The following SCLT1 variants were observed in gnomAD, a reference collection of about 807,000 sequenced individuals.
SCLT1 encodes sodium channel and clathrin linker 1, also known as sodium channel-associated protein 1.
A neutral mutation model predicts 112.8 loss-of-function variants in SCLT1; 78 were observed. The observed-to-expected ratio is 0.69, with a 90% CI of 0.58 to 0.83. SCLT1 has a LOEUF of 0.83. Among genes scored for constraint, SCLT1 ranks in the 40% least tolerant of loss-of-function variants. The pLI is 0.00. For synonymous variants in SCLT1, 257 were observed against 254.7 expected, an observed-to-expected ratio of 1.01 and a Z score of -0.09; for missense variants, 747 against 770.4, an observed-to-expected ratio of 0.97 and a Z score of 0.36.
intron 5 of SCLT1, among the ~76,000 whole-genome samples, chr4:129,019,791 T>C (rs1385863669): frequency 6.6e-6 from 1 of 152,128 alleles, no homozygotes; most frequent in African/African-American, 2.4e-5. Context: ...CAGTGCAGCA[T>C]TTCTTTTTGG....
intron 11 of SCLT1, among the ~76,000 whole-genome samples, chr4:128,963,747 G>A (rs1467994264): frequency 6.6e-6 from 1 of 151,930 alleles, no homozygotes; most frequent in Non-Finnish European, 1.5e-5. Flanking sequence ...AATTATTATT[G>A]ATTCCTTCAA....
In SCLT1 at chr4:128,946,771, G is replaced by C. The variant is rs185286411; in HGVS notation, c.1294-619C>G. On this transcript the variant is annotated intron_variant, in intron 15 of 20. Coordinates refer to ENST00000281142, the MANE Select transcript of SCLT1 (RefSeq NM_144643.4). Reference sequence around the variant, plus strand: ...GATACATGCCATGGTGCAATAACTAGAACTCTCTGCAAGTGACTCCAGAAT... The same window carrying C: ...GATACATGCCATGGTGCAATAACTACAACTCTCTGCAAGTGACTCCAGAAT... Among the ~76,000 whole-genome samples the C allele has an allele frequency of 4.8e-3, 732 of 152,202 alleles. 6 individuals are homozygous for C. Among genetic ancestry groups the C allele is most frequent in the African/African-American group, 0.017 (695 of 41,520 alleles).
intron 2 of SCLT1, among the ~76,000 whole-genome samples, chr4:129,073,654 T>C (rs1193458084): frequency 6.6e-6 from 1 of 152,058 alleles, no homozygotes; most frequent in Non-Finnish European, 1.5e-5. Context: ...GTCTCACTAC[T>C]TATAGATGCA....
intron 5 of SCLT1, among the ~76,000 whole-genome samples, chr4:129,034,934 A>C (rs999896288): frequency 6.6e-6 from 1 of 152,160 alleles, no homozygotes; most frequent in East Asian, 1.9e-4. Flanking sequence ...GATGTAATTA[A>C]ATCTCTTTAT....
chr4:129,007,246 C>T (rs1389088477), intron 5 of SCLT1, among the ~76,000 whole-genome samples: 4 of 151,958 alleles, frequency 2.6e-5, no homozygotes, highest in African/African-American at 9.7e-5. Context: ...TATATATGTC[C>T]CTTAAGAGAT....
intron 5 of SCLT1, among the ~76,000 whole-genome samples, chr4:129,017,264 T>C (rs768726433): frequency 6.6e-6 from 1 of 152,208 alleles, no homozygotes. Flanking sequence ...TGTGAGTTTT[T>C]CATGGGTCTT....
At chr4:129,071,650 A>T (rs1237782960) in intron 2 of SCLT1, among the ~76,000 whole-genome samples, 1 of 152,082 alleles carries the variant, frequency 6.6e-6, no homozygotes, top group Non-Finnish European at 1.5e-5. Flanking sequence ...TTTGCATGAA[A>T]TTATTTTTCC....
At chr4:129,050,129 C>T (rs1379519632) in intron 2 of SCLT1, among the ~76,000 whole-genome samples, 3 of 152,184 alleles carry the variant, frequency 2.0e-5, no homozygotes, top group Non-Finnish European at 4.4e-5. Context: ...TTTCTTTATC[C>T]AGTCTATCAT....
At chr4:128,911,611 G>A (rs899404502) in intron 18 of SCLT1, among the ~76,000 whole-genome samples, 1 of 152,118 alleles carries the variant, frequency 6.6e-6, no homozygotes, top group African/African-American at 2.4e-5. Context: ...ATTATTTGGT[G>A]TTACATTTAG....
In SCLT1 at chr4:128,939,485, T is replaced by A. The variant is rs374975106; in HGVS notation, c.1633-2634A>T. Among the ~76,000 whole-genome samples the A allele has an allele frequency of 1.7e-4, 26 of 152,334 alleles. No homozygotes were observed. The South Asian group carries it at 5.2e-3, about 30-fold the overall frequency. ...CTGATCTCCGATTACAAAAATTCTA[T>A]TAATGATAAAATTCAGAATGTTGGA... On this transcript the variant is annotated intron_variant, in intron 17 of 20. Transcript: ENST00000281142.
intron 18 of SCLT1, among the ~76,000 whole-genome samples, chr4:128,936,140 T>C (rs897000146): frequency 6.6e-6 from 1 of 152,146 alleles, no homozygotes; most frequent in African/African-American, 2.4e-5. Context: ...GATTTTATTT[T>C]TTAGAGTAGT....
chr4:128,993,584 ATTG>A (rs1232547074), intron 8 of SCLT1, among the ~76,000 whole-genome samples: 3 of 152,076 alleles, frequency 2.0e-5, no homozygotes, highest in African/African-American at 7.2e-5. Context: ...TGAATATGGC[ATTG>A]TTGTTCTATA....
intron 1 of SCLT1, 149 bp from the exon 2 acceptor site, chr4:129,082,522 C>A (rs1416680156): frequency 6.7e-6 from 3 of 450,890 alleles, no homozygotes; most frequent in African/African-American, 6.1e-5. Flanking sequence ...TTTCAATACA[C>A]CATTTTAAAA....
chr4:128,901,535 G>T (rs892449618), intron 18 of SCLT1, among the ~76,000 whole-genome samples: 107 of 151,724 alleles, frequency 7.1e-4, no homozygotes, highest in Admixed American at 1.2e-3. Flanking sequence ...GTGGTGGGGG[G>T]GGGGAGGGAT....
chr4:129,066,950 C>T (rs1438330641), intron 2 of SCLT1, among the ~76,000 whole-genome samples: 3 of 151,974 alleles, frequency 2.0e-5, no homozygotes, highest in South Asian at 4.2e-4. Flanking sequence ...TAAGTGCATA[C>T]AGAGATTCAT....
intron 18 of SCLT1, among the ~76,000 whole-genome samples, chr4:128,897,280 C>A (rs146397486): frequency 6.6e-6 from 1 of 151,804 alleles, no homozygotes; most frequent in Non-Finnish European, 1.5e-5. Context: ...AGAGAAAGAT[C>A]GGGTTACCCA....
intron 9 of SCLT1, among the ~76,000 whole-genome samples, chr4:128,977,374 C>A (rs1334523448): frequency 6.6e-6 from 1 of 152,090 alleles, no homozygotes; most frequent in Non-Finnish European, 1.5e-5. Flanking sequence ...CTATTGAGCA[C>A]CTACATGCAC....
intron 2 of SCLT1, among the ~76,000 whole-genome samples, chr4:129,079,222 C>G (rs533725668): frequency 6.6e-6 from 1 of 152,144 alleles, no homozygotes; most frequent in Non-Finnish European, 1.5e-5. Context: ...AATCGTCCCT[C>G]CTCAACAGTC....
rs1735877775 is a variant in SCLT1 at position 128,921,463 on chromosome 4, A to G, written c.1829+15192T>C. Reference sequence around the variant, plus strand: ...TACTGGTAAAAAATAAGACACATAGACCAATGGAACAGAATAGACAGCCCA... The same window carrying G: ...TACTGGTAAAAAATAAGACACATAGGCCAATGGAACAGAATAGACAGCCCA... On this transcript the variant is annotated intron_variant, in intron 18 of 20. Transcript: ENST00000281142. Among the ~76,000 whole-genome samples the G allele has an allele frequency of 5.3e-5, 8 of 152,272 alleles. No homozygotes were observed. In the South Asian group the frequency reaches 1.7e-3, roughly 32 times the overall value.
Sources: allele counts gnomAD v4.1 joint callset (sites outside exome capture counted in the v4.1 genomes callset), GRCh38; gene constraint gnomAD v4.1.1; transcripts MANE v1.5; gene names NCBI Gene and HGNC (gene_info 2026-07-23, HGNC 2026-07-21).